Variants in FAM13A observed in about 807,000 individuals in gnomAD.
FAM13A encodes protein FAM13A.
A neutral mutation model predicts 129.6 loss-of-function variants in FAM13A; 76 were observed. The ratio of observed to expected loss-of-function variants is 0.59; its 90% CI spans 0.49 to 0.71. The LOEUF (loss-of-function observed/expected upper bound fraction) is 0.71, where lower values mean the gene tolerates loss of function less well. Among genes scored for constraint, FAM13A ranks in the 30% least tolerant of loss-of-function variants. FAM13A has a pLI of 0.00. For missense variants in FAM13A, 1,108 were observed against 1,249.3 expected (o/e 0.89, Z 1.70); for synonymous variants, 443 against 449.9 (o/e 0.98, Z 0.20).
chr4:88,790,697 GT>G, intron 8 of FAM13A, 70 bp from the exon 9 acceptor site: 1 of 1,376,614 alleles, frequency 7.3e-7, no homozygotes, highest in South Asian at 1.2e-5. Context: ...AACATGTGAA[GT>G]GGATCGCAGG....
intron 7 of FAM13A, among the ~76,000 whole-genome samples, chr4:88,812,621 C>T (rs1318559055): frequency 6.6e-6 from 1 of 152,176 alleles, no homozygotes; most frequent in African/African-American, 2.4e-5. Flanking sequence ...ATCTCTAGCA[C>T]CCTGGAGAGG....
chr4:88,913,415 AAGT>A (rs1249825428), intron 5 of FAM13A, among the ~76,000 whole-genome samples: 4 of 139,012 alleles, frequency 2.9e-5, no homozygotes, highest in Admixed American at 7.3e-5. Flanking sequence ...GAAGTAGTAG[AAGT>A]AGTAGTAGAG....
chr4:88,789,329 T>C (rs779416568), intron 9 of FAM13A, among the ~76,000 whole-genome samples: 53 of 152,192 alleles, frequency 3.5e-4, no homozygotes, highest in Non-Finnish European at 4.4e-4. Context: ...GATTGTTTTC[T>C]CTCCCAACAA....
intron 3 of FAM13A, among the ~76,000 whole-genome samples, chr4:88,992,565 A>T (rs1416368839): frequency 6.6e-6 from 1 of 152,148 alleles, no homozygotes; most frequent in Non-Finnish European, 1.5e-5. Context: ...AATATCTAAC[A>T]TGTCATATAG....
At chr4:88,971,877 G>T (rs1760130250) in intron 4 of FAM13A, among the ~76,000 whole-genome samples, 2 of 152,094 alleles carry the variant, frequency 1.3e-5, no homozygotes. Context: ...CTAACATAAT[G>T]AGAATATAAA....
At chr4:88,984,682 G>A (rs1233994290) in intron 4 of FAM13A, among the ~76,000 whole-genome samples, 1 of 152,126 alleles carries the variant, frequency 6.6e-6, no homozygotes, top group East Asian at 1.9e-4. Flanking sequence ...AATGTACATG[G>A]CCATGTGTCT....
chr4:88,734,977 G>A (rs535196847), intron 21 of FAM13A, among the ~76,000 whole-genome samples: 2 of 152,206 alleles, frequency 1.3e-5, no homozygotes, highest in Non-Finnish European at 2.9e-5. Context: ...GTCCAGTTCC[G>A]GGTATCAGTT....
intron 1 of FAM13A, among the ~76,000 whole-genome samples, chr4:89,033,027 CCA>C: frequency 6.6e-6 from 1 of 152,246 alleles, no homozygotes; most frequent in South Asian, 2.1e-4. Flanking sequence ...GTTCATTCTT[CCA>C]CTATTCATTC....
intron 6 of FAM13A, among the ~76,000 whole-genome samples, chr4:88,866,752 C>A (rs1183833933): frequency 6.6e-6 from 1 of 152,060 alleles, no homozygotes; most frequent in Non-Finnish European, 1.5e-5. Context: ...CAGTTGGAAC[C>A]TCTATACTTT....
At chr4:88,749,748 G>C (rs374145778) in intron 16 of FAM13A, 23 bp downstream of exon 16, 38 of 1,612,472 alleles carry the variant, frequency 2.4e-5, no homozygotes, top group Non-Finnish European at 5.9e-6. Flanking sequence ...GAGGCGAAAA[G>C]AACAGTGTGA....
intron 6 of FAM13A, among the ~76,000 whole-genome samples, chr4:88,896,586 G>T (rs1746377409): frequency 6.6e-6 from 1 of 152,136 alleles, no homozygotes; most frequent in East Asian, 1.9e-4. Context: ...ACTGTGACAT[G>T]TCATCTCATT....
chr4:88,932,667 A>G (rs1382919427), intron 5 of FAM13A, among the ~76,000 whole-genome samples: 2 of 152,238 alleles, frequency 1.3e-5, no homozygotes, highest in Admixed American at 1.3e-4. Context: ...TTTCTGTGAT[A>G]TATCAGTTTA....
intron 5 of FAM13A, among the ~76,000 whole-genome samples, chr4:88,926,644 G>A (rs969239319): frequency 4.6e-5 from 7 of 152,026 alleles, no homozygotes; most frequent in Admixed American, 3.3e-4. Context: ...ACCTATAATC[G>A]CTCTATAAAA....
chr4:89,047,333 C>T (rs1267956458), intron 1 of FAM13A, among the ~76,000 whole-genome samples: 1 of 151,962 alleles, frequency 6.6e-6, no homozygotes, highest in African/African-American at 2.4e-5. Context: ...CCTGCAGTTC[C>T]TCATTTTATA....
Position 88,747,626 on chromosome 4 carries a change from C to A in FAM13A, c.2382+5G>T. 6.2e-7 allele frequency: 1 copy of A among 1,612,476 alleles called. No individual in the cohort carries two copies. Among genetic ancestry groups the A allele is most frequent in the African/African-American group, 1.3e-5 (1 of 75,016 alleles). ...AGGGCTTAGCACTTCACAGAATGAT[C>A]GCACCTTAATGTCCTCAGGGCGGCT... is the stretch of plus-strand genomic sequence containing the variant. On this transcript the variant is annotated splice_donor_5th_base_variant and intron_variant, in intron 18 of 23. Coordinates refer to ENST00000264344, the MANE Select transcript of FAM13A (RefSeq NM_014883.4).
chr4:88,985,655 T>C (rs1036104563), intron 4 of FAM13A, among the ~76,000 whole-genome samples: 6 of 152,176 alleles, frequency 3.9e-5, no homozygotes, highest in African/African-American at 7.2e-5. Context: ...TCTAATGATA[T>C]AGAGGCATTT....
intron 5 of FAM13A, chr4:88,937,865 T>C: frequency 5.3e-6 from 3 of 570,542 alleles, no homozygotes; most frequent in Non-Finnish European, 9.3e-6. Context: ...GATGACTTTA[T>C]AGCAACAAGA....
At chr4:88,739,621 C>CAAAAAAAAAA (rs5860146) in intron 19 of FAM13A, among the ~76,000 whole-genome samples, 2 of 112,648 alleles carry the variant, frequency 1.8e-5, no homozygotes, top group African/African-American at 3.2e-5. Context: ...CTAAAAAATA[C>CAAAAAAAAAA]AAAAAAAAAA....
chr4:88,879,995 ATAGAG>A (rs1276753392), intron 6 of FAM13A, among the ~76,000 whole-genome samples: 6 of 152,216 alleles, frequency 3.9e-5, no homozygotes, highest in African/African-American at 7.2e-5. Context: ...AGTGTTTAGC[ATAGAG>A]TAAATACTTA....
Sources: gnomAD v4.1 joint callset for allele counts (sites outside exome capture counted in the v4.1 genomes callset) on GRCh38, gnomAD v4.1.1 for gene constraint, MANE v1.5 for transcripts, NCBI Gene and HGNC (gene_info 2026-07-23, HGNC 2026-07-21) for gene names.